CEP112: variants seen among roughly 807,000 people sequenced by gnomAD.
CEP112 encodes the protein centrosomal protein of 112 kDa.
A neutral mutation model predicts 153.0 loss-of-function variants in CEP112; 127 were observed. The ratio of observed to expected loss-of-function variants is 0.83; its 90% CI spans 0.72 to 0.96. The LOEUF (loss-of-function observed/expected upper bound fraction) is 0.96. Among genes scored for constraint, CEP112 ranks in the 40% least tolerant of loss-of-function variants. CEP112 has a pLI of 0.00. For missense variants in CEP112, 1,089 were observed against 1,101.2 expected (o/e 0.99, Z 0.16); for synonymous variants, 358 against 374.4 (o/e 0.96, Z 0.51).
chr17:66,183,909 G>C (rs755210682), intron 1 of CEP112, among the ~76,000 whole-genome samples: 3 of 152,050 alleles, frequency 2.0e-5, no homozygotes, highest in Admixed American at 6.6e-5. Flanking sequence ...GCAAACTTGA[G>C]TAAGGCTAAG....
At chr17:66,016,690 T>A (rs1008091608) in intron 16 of CEP112, among the ~76,000 whole-genome samples, 3 of 152,220 alleles carry the variant, frequency 2.0e-5, no homozygotes, top group African/African-American at 7.2e-5. Context: ...TTTTGCAAAT[T>A]GGCACTGTGC....
chr17:66,024,394 T>C (rs760210839), intron 16 of CEP112, among the ~76,000 whole-genome samples: 2 of 152,054 alleles, frequency 1.3e-5, no homozygotes, highest in Non-Finnish European at 2.9e-5. Flanking sequence ...TTATTGATAA[T>C]ATGATCTTAT....
Position 65,946,555 on chromosome 17 carries a change from T to C in CEP112, c.1872+14908A>G, listed in dbSNP as rs185612631. On this transcript the variant is annotated intron_variant, in intron 18 of 26. Coordinates refer to ENST00000535342, the MANE Select transcript of CEP112 (RefSeq NM_001199165.4). ...CATCTTGTGCCAATATCACACTCTA[T>C]TAATTACCATGGTTTAACAGTATCC... is the stretch of plus-strand genomic sequence containing the variant. Among the ~76,000 whole-genome samples the C allele has an allele frequency of 5.3e-5, 8 of 152,264 alleles. No individual in the cohort carries two copies. The East Asian group carries it at 9.6e-4, about 18-fold the overall frequency.
intron 20 of CEP112, among the ~76,000 whole-genome samples, chr17:65,899,443 C>G (rs928976636): frequency 2.0e-5 from 3 of 152,108 alleles, no homozygotes; most frequent in African/African-American, 7.2e-5. Context: ...GAGACTACTT[C>G]ATTGTTCTTG....
intron 6 of CEP112, among the ~76,000 whole-genome samples, chr17:66,104,540 G>A (rs552818151): frequency 3.3e-5 from 5 of 152,262 alleles, no homozygotes; most frequent in South Asian, 4.1e-4. Context: ...GAATGATCCC[G>A]CACATTCCCA....
chr17:65,701,903 T>G (rs556947922), intron 23 of CEP112, among the ~76,000 whole-genome samples: 6 of 148,268 alleles, frequency 4.0e-5, no homozygotes, highest in Non-Finnish European at 6.0e-5. Context: ...TTTTTGTTTT[T>G]TTTTTTTTTT....
At chr17:65,695,197 G>A (rs925931040) in intron 23 of CEP112, among the ~76,000 whole-genome samples, 33 of 152,296 alleles carry the variant, frequency 2.2e-4, no homozygotes, top group Non-Finnish European at 3.5e-4. Flanking sequence ...AACAATGAGC[G>A]CACACCGCAC....
At chr17:65,951,936 A>G (rs758475405) in intron 18 of CEP112, among the ~76,000 whole-genome samples, 10 of 152,058 alleles carry the variant, frequency 6.6e-5, no homozygotes, top group African/African-American at 9.7e-5. Flanking sequence ...GTTTCCATTC[A>G]GCTTAAAATA....
intron 23 of CEP112, among the ~76,000 whole-genome samples, chr17:65,737,611 A>T (rs232089): frequency 6.6e-6 from 1 of 151,998 alleles, no homozygotes; most frequent in African/African-American, 2.4e-5. Flanking sequence ...CACACTTAAC[A>T]TAATCTCAAA....
intron 24 of CEP112, among the ~76,000 whole-genome samples, chr17:65,642,158 T>C (rs1423186124): frequency 6.7e-6 from 1 of 148,576 alleles, no homozygotes; most frequent in East Asian, 2.0e-4. Context: ...CAGCTGTGTT[T>C]CTGCATTTCT....
At chr17:66,121,911 T>C (rs190491511) in intron 6 of CEP112, among the ~76,000 whole-genome samples, 1 of 152,184 alleles carries the variant, frequency 6.6e-6, no homozygotes, top group Non-Finnish European at 1.5e-5. Flanking sequence ...TTTTGTTTTT[T>C]TCAGACAGAG....
intron 4 of CEP112, among the ~76,000 whole-genome samples, chr17:66,159,441 A>C (rs146640519): frequency 0.034 from 5,185 of 152,300 alleles, 131 homozygotes; most frequent in Middle Eastern, 0.061. Context: ...CATCGATGCA[A>C]AAATCGTCAA....
intron 23 of CEP112, among the ~76,000 whole-genome samples, chr17:65,722,361 G>T (rs2049935110): frequency 6.6e-6 from 1 of 152,114 alleles, no homozygotes; most frequent in African/African-American, 2.4e-5. Flanking sequence ...GGATTCTCCT[G>T]CCTCAGCCTC....
chr17:66,002,849 T>C (rs1255841873), intron 17 of CEP112, among the ~76,000 whole-genome samples: 1 of 152,176 alleles, frequency 6.6e-6, no homozygotes, highest in Admixed American at 6.5e-5. Context: ...TAAATAACAC[T>C]ACATTCTAAA....
intron 21 of CEP112, among the ~76,000 whole-genome samples, chr17:65,825,201 C>T (rs2056780376): frequency 6.6e-6 from 1 of 152,208 alleles, no homozygotes; most frequent in African/African-American, 2.4e-5. Context: ...AACTTGAAGA[C>T]ATTATGGTAA....
At chr17:66,006,434 T>C (rs2064276722) in intron 16 of CEP112, among the ~76,000 whole-genome samples, 1 of 152,018 alleles carries the variant, frequency 6.6e-6, no homozygotes, top group Admixed American at 6.6e-5. Context: ...GATGAAACCC[T>C]GTCTGTACTA....
intron 8 of CEP112, among the ~76,000 whole-genome samples, chr17:66,089,980 C>G (rs1598330460): frequency 6.6e-6 from 1 of 152,052 alleles, no homozygotes; most frequent in African/African-American, 2.4e-5. Flanking sequence ...AGACTAGCAG[C>G]GGATTTCATG....
intron 25 of CEP112, among the ~76,000 whole-genome samples, chr17:65,640,304 C>T (rs566171399): frequency 5.9e-5 from 9 of 151,752 alleles, no homozygotes; most frequent in Admixed American, 4.6e-4. Flanking sequence ...CAGGCACGGG[C>T]CACCACGCCC....
At chr17:66,178,699 T>C (rs181150291) in intron 2 of CEP112, among the ~76,000 whole-genome samples, 2 of 152,288 alleles carry the variant, frequency 1.3e-5, no homozygotes, top group African/African-American at 4.8e-5. Context: ...GGTCTTAGAT[T>C]TCAGTCTTTA....
Sources: gnomAD v4.1 joint callset for allele counts (sites outside exome capture counted in the v4.1 genomes callset) on GRCh38, gnomAD v4.1.1 for gene constraint, MANE v1.5 for transcripts, NCBI Gene and HGNC (gene_info 2026-07-23, HGNC 2026-07-21) for gene names.